PIK3CB: variants seen among roughly 807,000 people sequenced by gnomAD.
PIK3CB encodes phosphatidylinositol 4,5-bisphosphate 3-kinase catalytic subunit beta isoform.
Under a neutral mutation model 136.8 loss-of-function variants are expected in PIK3CB, and 39 were observed. The observed-to-expected ratio is 0.29, with a 90% CI of 0.22 to 0.37. PIK3CB has a LOEUF of 0.37. PIK3CB is among the 10% of genes least tolerant of loss of function. PIK3CB has a pLI of 1.00. For synonymous variants in PIK3CB, 428 were observed against 436.6 expected, an observed-to-expected ratio of 0.98 and a Z score of 0.25; for missense variants, 868 against 1,275.4, an observed-to-expected ratio of 0.68 and a Z score of 4.87.
intron 3 of PIK3CB, among the ~76,000 whole-genome samples, chr3:138,757,601 A>G (rs1007660771): frequency 1.4e-4 from 20 of 147,558 alleles, no homozygotes; most frequent in Non-Finnish European, 2.8e-4. Flanking sequence ...GGAAGGAAGA[A>G]AGGAAGGAAG....
Position 138,686,207 on chromosome 3 carries a change from A to T in PIK3CB, c.2137-1404T>A, listed in dbSNP as rs557602229. Among the ~76,000 whole-genome samples the T allele has an allele frequency of 4.0e-5, 6 of 150,888 alleles. No homozygotes were observed. In the South Asian group the frequency reaches 6.3e-4, roughly 16 times the overall value. On this transcript the variant is annotated intron_variant, in intron 16 of 23. Coordinates refer to ENST00000674063, the MANE Select transcript of PIK3CB (RefSeq NM_006219.3). ...TAATCCCAGTATTTTGGGAAGCTGAAGTGGGCGGATCACTTGAGGTCAGGA... is the reference window on the plus strand; with the variant it reads ...TAATCCCAGTATTTTGGGAAGCTGATGTGGGCGGATCACTTGAGGTCAGGA...
At chr3:138,792,458 C>T (rs977336385) in intron 2 of PIK3CB, among the ~76,000 whole-genome samples, 12 of 152,104 alleles carry the variant, frequency 7.9e-5, no homozygotes, top group Admixed American at 7.2e-4. Flanking sequence ...ACTGCAGCCT[C>T]GACCTCCTGG....
At chr3:138,660,433 C>A (rs2108402693) in intron 21 of PIK3CB, among the ~76,000 whole-genome samples, 1 of 152,264 alleles carries the variant, frequency 6.6e-6, no homozygotes, top group East Asian at 1.9e-4. Flanking sequence ...CTGTTTACTG[C>A]AGTTACCCTG....
intron 20 of PIK3CB, among the ~76,000 whole-genome samples, chr3:138,664,624 A>G (rs1186129455): frequency 6.6e-6 from 1 of 152,190 alleles, no homozygotes; most frequent in East Asian, 1.9e-4. Flanking sequence ...TTTCCTATAT[A>G]TTAGTGCTTT....
At chr3:138,734,926 G>C in intron 6 of PIK3CB, 122 bp from the exon 7 acceptor site, 2 of 464,822 alleles carry the variant, frequency 4.3e-6, no homozygotes, top group Non-Finnish European at 7.1e-6. Context: ...AACCACAGCA[G>C]AATATCAAGA....
At chr3:138,766,456 T>C (rs1213968575) in intron 2 of PIK3CB, among the ~76,000 whole-genome samples, 1 of 152,224 alleles carries the variant, frequency 6.6e-6, no homozygotes, top group Non-Finnish European at 1.5e-5. Flanking sequence ...CAAAATACAC[T>C]GCAAAGGCTA....
chr3:138,783,291 A>G (rs1044088518), intron 2 of PIK3CB, among the ~76,000 whole-genome samples: 4 of 149,854 alleles, frequency 2.7e-5, no homozygotes, highest in African/African-American at 9.8e-5. Context: ...TTTTTTTTTA[A>G]TTTTTTTTGG....
At chr3:138,799,936 C>G (rs966692920) in intron 1 of PIK3CB, among the ~76,000 whole-genome samples, 3 of 152,166 alleles carry the variant, frequency 2.0e-5, no homozygotes, top group Non-Finnish European at 4.4e-5. Flanking sequence ...ACTTCAGCCT[C>G]TAAAAGTGCT....
In PIK3CB at chr3:138,691,366, G is replaced by A. The variant is rs79679250; in HGVS notation, c.1893-223C>T. Among the ~76,000 whole-genome samples the A allele has an allele frequency of 8.6e-3, 1,306 of 152,292 alleles. 27 individuals are homozygous for A. Among genetic ancestry groups the A allele is most frequent in the African/African-American group, 0.028 (1,184 of 41,548 alleles). On this transcript the variant is annotated intron_variant, in intron 14 of 23. Coordinates refer to ENST00000674063, the MANE Select transcript of PIK3CB (RefSeq NM_006219.3). ...CAAGAGGGTCAAAGAACAGATACTA[G>A]AGATATTTTAATCAAATGAATTAGA...
intron 1 of PIK3CB, chr3:138,825,940 A>G: frequency 6.4e-7 from 1 of 1,557,930 alleles, no homozygotes; most frequent in Non-Finnish European, 8.6e-7. Context: ...AAAATGACCC[A>G]CCAATGGAAG....
At chr3:138,667,026 T>C (rs2043424854) in intron 19 of PIK3CB, among the ~76,000 whole-genome samples, 1 of 151,844 alleles carries the variant, frequency 6.6e-6, no homozygotes, top group Admixed American at 6.6e-5. Context: ...CTGGCCAACA[T>C]GGTGAAACCC....
At chr3:138,704,517 T>A in intron 11 of PIK3CB, 24 bp from the exon 12 acceptor site, 1 of 1,532,552 alleles carries the variant, frequency 6.5e-7, no homozygotes, top group Non-Finnish European at 9.0e-7. Flanking sequence ...TTAAAGAAAA[T>A]GAATTTTGGC....
chr3:138,799,867 CA>C (rs1275379333), intron 1 of PIK3CB, among the ~76,000 whole-genome samples: 21 of 151,618 alleles, frequency 1.4e-4, no homozygotes. Context: ...TTTGCAGAGA[CA>C]GGGTTTTGCC....
chr3:138,718,982 G>A (rs2108597462), intron 8 of PIK3CB, among the ~76,000 whole-genome samples: 1 of 152,140 alleles, frequency 6.6e-6, no homozygotes, highest in East Asian at 1.9e-4. Flanking sequence ...GGCAGTTTCA[G>A]GATTAAGTAG....
At chr3:138,773,556 T>C (rs917372218) in intron 2 of PIK3CB, among the ~76,000 whole-genome samples, 2 of 152,180 alleles carry the variant, frequency 1.3e-5, no homozygotes, top group Non-Finnish European at 2.9e-5. Context: ...AATATACAGC[T>C]AGCCTCTTTA....
Position 138,656,216 on chromosome 3 carries a change from T to C in PIK3CB, c.3001A>G (p.Ile1001Val). 1 of 1,614,152 alleles carries C rather than the reference T, an allele frequency of 6.2e-7. No individual in the cohort carries two copies. The highest frequency in any genetic ancestry group is 8.5e-7 in the Non-Finnish European group (1 of 1,180,002). Residue 1001 changes from isoleucine to valine, a missense_variant, in exon 23 of 24, where the codon ATC becomes GTC. This residue lies in a region of PIK3CB where 88 missense variants were observed against 147.8 expected (regional missense o/e 0.60). Coordinates refer to ENST00000674063, the MANE Select transcript of PIK3CB (RefSeq NM_006219.3). ...GTCAACATCAGCGCAAAGAGAGTGA[T>C]GAAGAGATTCCCATGCCGTCGTAAA... ...LILRRHGNLF[I>V]TLFALMLTAG...
chr3:138,662,212 T>C (rs1466281013), intron 21 of PIK3CB, among the ~76,000 whole-genome samples: 2 of 150,568 alleles, frequency 1.3e-5, no homozygotes, highest in African/African-American at 4.9e-5. Flanking sequence ...CTGTACCCAT[T>C]AACTCGTCCT....
chr3:138,708,773 G>A (rs1040602550), intron 10 of PIK3CB, among the ~76,000 whole-genome samples: 1 of 151,584 alleles, frequency 6.6e-6, no homozygotes, highest in Non-Finnish European at 1.5e-5. Flanking sequence ...TACAACTCTA[G>A]AGCTGATTTC....
In PIK3CB at chr3:138,819,234, C is replaced by A. The variant is rs369981282; in HGVS notation, c.-122+15461G>T. On this transcript the variant is annotated intron_variant, in intron 1 of 23. Coordinates refer to ENST00000674063, the MANE Select transcript of PIK3CB (RefSeq NM_006219.3). ...TGGTGGCACGTGCCTGTAGTCCCAGCTACTCAGGAGGCTGAGGCAAAAGAA... is the reference window on the plus strand; with the variant it reads ...TGGTGGCACGTGCCTGTAGTCCCAGATACTCAGGAGGCTGAGGCAAAAGAA... 1.5e-4 allele frequency among the ~76,000 whole-genome samples: 23 copies of A among 152,232 alleles called. No homozygotes were observed. The East Asian group carries it at 3.9e-3, about 26-fold the overall frequency.
Sources: gnomAD v4.1 joint callset for allele counts (sites outside exome capture counted in the v4.1 genomes callset) on GRCh38, gnomAD v4.1.1 for gene constraint, gnomAD v4.1.1 regional missense constraint, MANE v1.5 for transcripts, NCBI Gene and HGNC (gene_info 2026-07-23, HGNC 2026-07-21) for gene names.